LINGO2: variants seen among roughly 807,000 people sequenced by gnomAD.
LINGO2 encodes leucine rich repeat and Ig domain containing 2.
In LINGO2, 14 loss-of-function variants were observed where a neutral mutation model predicts 30.6. The observed-to-expected ratio is 0.46, with a 90% CI of 0.30 to 0.72. LINGO2 has a LOEUF of 0.72. LINGO2 is among the 30% of genes least tolerant of loss of function. The probability of loss-of-function intolerance (pLI) is 0.07; values close to 1 mark genes in which losing one functional copy is unlikely to be tolerated. For synonymous variants in LINGO2, 317 were observed against 288.5 expected, an observed-to-expected ratio of 1.10 and a Z score of -1.00; for missense variants, 729 against 751.7, an observed-to-expected ratio of 0.97 and a Z score of 0.35.
chr9:29,081,732 A>T, the LINGO2 span, among the ~76,000 whole-genome samples: 1 of 152,190 alleles, frequency 6.6e-6, no homozygotes, highest in African/African-American at 2.4e-5. Context: ...ACTTCAACAA[A>T]GTCTGAGGAT....
chr9:29,084,658 C>T, the LINGO2 span, among the ~76,000 whole-genome samples: 24,863 of 151,830 alleles, frequency 0.16, 2,161 homozygotes, highest in East Asian at 0.33. Context: ...TCATACTAAG[C>T]ATCCATCTCT....
rs576146326 is a variant in LINGO2 at position 28,437,918 on chromosome 9, T to A, written c.-279+38022A>T. ...TTAGTGTTAACACCATAGATCCAAC[T>A]ACCTCCTCCTCTTCCAAATGTATTT... On this transcript the variant is annotated intron_variant, in intron 2 of 5. Transcript: ENST00000379992. 3.9e-5 allele frequency among the ~76,000 whole-genome samples: 6 copies of A among 152,316 alleles called. No individual in the cohort carries two copies. In the South Asian group the frequency reaches 1.2e-3, roughly 32 times the overall value.
chr9:28,171,551 A>G (rs902552547), intron 4 of LINGO2, among the ~76,000 whole-genome samples: 8 of 152,218 alleles, frequency 5.3e-5, no homozygotes, highest in African/African-American at 1.4e-4. Flanking sequence ...CCTTAAGGGC[A>G]TGGACAGAAG....
Position 28,135,201 on chromosome 9 carries a change from G to C in LINGO2, c.-86-122796C>G, listed in dbSNP as rs1207357727. On this transcript the variant is annotated intron_variant, in intron 4 of 5. Coordinates refer to ENST00000379992, the Ensembl canonical transcript of LINGO2. ...ATCGTAACCAAATATTTCATCATAG[G>C]CTTAAATAAATACATGAAGTGATTG... 2.6e-5 allele frequency among the ~76,000 whole-genome samples: 4 copies of C among 152,142 alleles called. No individual in the cohort carries two copies. The East Asian group carries it at 7.7e-4, about 29-fold the overall frequency.
the LINGO2 span, among the ~76,000 whole-genome samples, chr9:29,044,009 G>A: frequency 6.6e-6 from 1 of 151,920 alleles, no homozygotes; most frequent in Non-Finnish European, 1.5e-5. Flanking sequence ...ATGATAAAGC[G>A]AACAGTTTGC....
intron 1 of LINGO2, among the ~76,000 whole-genome samples, chr9:28,647,543 A>G (rs1827895570): frequency 6.6e-6 from 1 of 152,088 alleles, no homozygotes; most frequent in Non-Finnish European, 1.5e-5. Flanking sequence ...AATAGCAGAA[A>G]ATGACATATT....
chr9:28,956,608 T>C, the LINGO2 span, among the ~76,000 whole-genome samples: 5 of 67,292 alleles, frequency 7.4e-5, no homozygotes, highest in Non-Finnish European at 8.6e-5. Flanking sequence ...CCTCCCTTCT[T>C]TCCCTCCCAC....
At chr9:28,014,290 AT>A (rs1186399392) in intron 4 of LINGO2, among the ~76,000 whole-genome samples, 2 of 152,184 alleles carry the variant, frequency 1.3e-5, no homozygotes, top group African/African-American at 4.8e-5. Flanking sequence ...CTAATGACTA[AT>A]GGTTTTTCAT....
chr9:28,270,475 T>A (rs1428370015), intron 4 of LINGO2, among the ~76,000 whole-genome samples: 2 of 151,980 alleles, frequency 1.3e-5, no homozygotes, highest in African/African-American at 4.8e-5. Context: ...AAAGTATGCA[T>A]ATCCCCAATG....
intron 5 of LINGO2, among the ~76,000 whole-genome samples, chr9:27,972,018 T>C (rs1389701927): frequency 6.6e-6 from 1 of 152,238 alleles, no homozygotes; most frequent in African/African-American, 2.4e-5. Flanking sequence ...TGTTTGTTTA[T>C]ATTTTTCTTC....
intron 1 of LINGO2, among the ~76,000 whole-genome samples, chr9:28,536,001 T>C (rs544697019): frequency 6.6e-6 from 1 of 152,294 alleles, no homozygotes; most frequent in African/African-American, 2.4e-5. Flanking sequence ...AGACACTTGA[T>C]GAAGTTTTAT....
At chr9:28,624,446 T>C (rs1826562037) in intron 1 of LINGO2, among the ~76,000 whole-genome samples, 1 of 152,098 alleles carries the variant, frequency 6.6e-6, no homozygotes, top group Non-Finnish European at 1.5e-5. Context: ...TTGTCCTTCA[T>C]TCTGTTTATA....
At chr9:28,898,868 T>A in the LINGO2 span, among the ~76,000 whole-genome samples, 3 of 152,114 alleles carry the variant, frequency 2.0e-5, no homozygotes, top group African/African-American at 7.2e-5. Context: ...CAAACCCCCA[T>A]GACATGAGTT....
intron 5 of LINGO2, among the ~76,000 whole-genome samples, chr9:28,000,955 T>A (rs1821918649): frequency 6.6e-6 from 1 of 152,226 alleles, no homozygotes; most frequent in Non-Finnish European, 1.5e-5. Context: ...TCTAAAACTG[T>A]TATTTCTGTC....
chr9:28,555,721 T>G (rs948139688), intron 1 of LINGO2, among the ~76,000 whole-genome samples: 1 of 152,048 alleles, frequency 6.6e-6, no homozygotes, highest in Non-Finnish European at 1.5e-5. Context: ...CCAATATCCT[T>G]GATGAACATT....
At chr9:28,482,088 G>T (rs1398496553) in intron 1 of LINGO2, among the ~76,000 whole-genome samples, 1 of 151,992 alleles carries the variant, frequency 6.6e-6, no homozygotes, top group Non-Finnish European at 1.5e-5. Context: ...AAACATATGT[G>T]TGCATGTGTC....
At chr9:28,810,742 C>T in the LINGO2 span, among the ~76,000 whole-genome samples, 1 of 152,168 alleles carries the variant, frequency 6.6e-6, no homozygotes, top group Non-Finnish European at 1.5e-5. Flanking sequence ...TAAATATTTA[C>T]TGATCTCTCA....
At chr9:28,659,876 A>G (rs1460437756) in intron 1 of LINGO2, among the ~76,000 whole-genome samples, 1 of 152,182 alleles carries the variant, frequency 6.6e-6, no homozygotes, top group African/African-American at 2.4e-5. Flanking sequence ...AATGAGGAGA[A>G]TAAAATAAAG....
chr9:28,371,590 G>A (rs1455432150), intron 3 of LINGO2, among the ~76,000 whole-genome samples: 4 of 152,164 alleles, frequency 2.6e-5, no homozygotes, highest in South Asian at 2.1e-4. Flanking sequence ...CTTCAGCAGA[G>A]TAATTTTGAG....
Sources: allele counts gnomAD v4.1 joint callset (sites outside exome capture counted in the v4.1 genomes callset), GRCh38; gene constraint gnomAD v4.1.1; transcripts MANE v1.5; gene names NCBI Gene and HGNC (gene_info 2026-07-23, HGNC 2026-07-21).